The following EFCAB13 variants were observed in gnomAD, a reference collection of about 807,000 sequenced individuals.
EFCAB13 encodes the protein EF-hand calcium-binding domain-containing protein 13.
EFCAB13 carries 91 observed loss-of-function variants against 110.2 expected under a neutral mutation model. That is an observed-to-expected ratio of 0.83 (90% CI 0.70 to 0.98). The LOEUF (loss-of-function observed/expected upper bound fraction) is 0.98. Among genes scored for constraint, EFCAB13 ranks in the 50% least tolerant of loss-of-function variants. EFCAB13 has a pLI of 0.00. For synonymous variants in EFCAB13, 323 were observed against 369.9 expected (o/e 0.87, Z 1.45); for missense variants, 968 against 1,119.4 (o/e 0.86, Z 1.93).
intron 12 of EFCAB13, among the ~76,000 whole-genome samples, chr17:47,375,928 T>C (rs1355944072): frequency 6.6e-6 from 1 of 152,156 alleles, no homozygotes; most frequent in Non-Finnish European, 1.5e-5. Flanking sequence ...TATCTAGGGC[T>C]CCAAGTCTTT....
intron 20 of EFCAB13, among the ~76,000 whole-genome samples, chr17:47,405,903 T>C (rs1428677845): frequency 6.6e-6 from 1 of 151,598 alleles, no homozygotes; most frequent in Non-Finnish European, 1.5e-5. Flanking sequence ...TTAAATTATT[T>C]ATTTACTTTA....
At chr17:47,359,110 A>G (rs1251261197) in intron 9 of EFCAB13, among the ~76,000 whole-genome samples, 1 of 152,132 alleles carries the variant, frequency 6.6e-6, no homozygotes, top group Non-Finnish European at 1.5e-5. Context: ...AGGCGGGTGG[A>G]TCACTTAAGC....
intron 5 of EFCAB13, chr17:47,340,167 G>A (rs1471221537): frequency 6.6e-6 from 1 of 151,822 alleles, no homozygotes; most frequent in Admixed American, 6.6e-5. Flanking sequence ...TCTTTGTTAT[G>A]AAAAGTGGTA....
intron 4 of EFCAB13, among the ~76,000 whole-genome samples, chr17:47,332,388 A>G (rs1242040739): frequency 6.6e-6 from 1 of 152,172 alleles, no homozygotes; most frequent in Non-Finnish European, 1.5e-5. Context: ...TATTAGCATA[A>G]TCATTACCAA....
intron 9 of EFCAB13, among the ~76,000 whole-genome samples, chr17:47,355,932 TAGAA>T (rs2065478402): frequency 6.6e-6 from 1 of 152,146 alleles, no homozygotes; most frequent in African/African-American, 2.4e-5. Context: ...TCGGGTTAAT[TAGAA>T]AGCCTTTTCT....
intron 6 of EFCAB13, among the ~76,000 whole-genome samples, chr17:47,343,472 T>C (rs1387636083): frequency 1.3e-5 from 2 of 152,076 alleles, no homozygotes; most frequent in Non-Finnish European, 2.9e-5. Context: ...CCTTCCCCAC[T>C]CTTGCTGAAA....
chr17:47,362,549 TGGAGGGCCTGAC>T (rs1049160211), intron 10 of EFCAB13, among the ~76,000 whole-genome samples: 9 of 152,276 alleles, frequency 5.9e-5, no homozygotes, highest in Admixed American at 3.9e-4. Context: ...CCACCTCTTG[TGGAGGGCCTGAC>T]GGAGGGCCTG....
intron 14 of EFCAB13, among the ~76,000 whole-genome samples, chr17:47,385,508 T>A (rs565334045): frequency 6.6e-6 from 1 of 152,014 alleles, no homozygotes; most frequent in Non-Finnish European, 1.5e-5. Context: ...TCATTTATGT[T>A]CTTCTCTAAA....
chr17:47,404,132 G>A (rs1403757585), intron 19 of EFCAB13, 111 bp downstream of exon 19: 21 of 859,652 alleles, frequency 2.4e-5, no homozygotes, highest in Non-Finnish European at 3.6e-5. Flanking sequence ...TTGAAACGGA[G>A]CCTTTCCTCT....
intron 21 of EFCAB13, among the ~76,000 whole-genome samples, chr17:47,411,509 T>C (rs183462450): frequency 3.9e-4 from 60 of 152,358 alleles, no homozygotes; most frequent in African/African-American, 1.4e-3. Context: ...ACTTACTATA[T>C]GATATATTAT....
At chr17:47,423,879 C>A (rs1355363920) in intron 23 of EFCAB13, among the ~76,000 whole-genome samples, 1 of 152,062 alleles carries the variant, frequency 6.6e-6, no homozygotes, top group African/African-American at 2.4e-5. Flanking sequence ...CTACTGCCGC[C>A]GCCCACCCTG....
intron 15 of EFCAB13, among the ~76,000 whole-genome samples, chr17:47,392,928 C>A (rs946201179): frequency 1.3e-5 from 2 of 152,116 alleles, no homozygotes; most frequent in Admixed American, 6.5e-5. Flanking sequence ...GCAACACTTA[C>A]AACAGTGATG....
At chr17:47,356,756 GC>G (rs2143304185) in intron 9 of EFCAB13, among the ~76,000 whole-genome samples, 1 of 152,322 alleles carries the variant, frequency 6.6e-6, no homozygotes, top group Non-Finnish European at 1.5e-5. Flanking sequence ...TTACAAGCTT[GC>G]CCTAGGGTCA....
chr17:47,377,685 A>T, intron 12 of EFCAB13, 81 bp from the exon 13 acceptor site: 1 of 1,268,990 alleles, frequency 7.9e-7, no homozygotes, highest in Non-Finnish European at 1.1e-6. Flanking sequence ...CTTGTTCTCT[A>T]ATTTCTAAAG....
At chr17:47,383,968 G>A (rs2065661029) in intron 14 of EFCAB13, among the ~76,000 whole-genome samples, 1 of 152,154 alleles carries the variant, frequency 6.6e-6, no homozygotes, top group Admixed American at 6.5e-5. Context: ...TTGTGTGGGA[G>A]TCTAAGTATC....
At chr17:47,388,431 G>A (rs1313066831) in intron 14 of EFCAB13, among the ~76,000 whole-genome samples, 1 of 152,160 alleles carries the variant, frequency 6.6e-6, no homozygotes, top group Non-Finnish European at 1.5e-5. Context: ...TCAGATGTGA[G>A]TTCTGGGATA....
intron 9 of EFCAB13, among the ~76,000 whole-genome samples, chr17:47,349,329 G>A (rs1205997438): frequency 6.6e-6 from 1 of 152,064 alleles, no homozygotes; most frequent in Middle Eastern, 3.2e-3. Context: ...GTCAAAGTTG[G>A]GCTCGTTTAT....
At chr17:47,378,623 T>C (rs951462272) in intron 13 of EFCAB13, among the ~76,000 whole-genome samples, 8 of 152,104 alleles carry the variant, frequency 5.3e-5, no homozygotes, top group Non-Finnish European at 1.2e-4. Context: ...GGCACTAAAA[T>C]TATTGAGCCC....
chr17:47,394,391 T>G (rs1459937594), intron 16 of EFCAB13, among the ~76,000 whole-genome samples: 1 of 152,178 alleles, frequency 6.6e-6, no homozygotes, highest in Non-Finnish European at 1.5e-5. Flanking sequence ...GGGAAAAGAT[T>G]TAAAATGTCT....
Sources: gnomAD v4.1 joint callset for allele counts (sites outside exome capture counted in the v4.1 genomes callset) on GRCh38, gnomAD v4.1.1 for gene constraint, MANE v1.5 for transcripts, NCBI Gene and HGNC (gene_info 2026-07-23, HGNC 2026-07-21) for gene names.